Variants in UBTD1 observed in about 807,000 individuals in gnomAD.
UBTD1 encodes the protein ubiquitin domain-containing protein 1.
UBTD1 carries 19 observed loss-of-function variants against 21.7 expected under a neutral mutation model. The ratio of observed to expected loss-of-function variants is 0.87; its 90% CI spans 0.61 to 1.28. The LOEUF (loss-of-function observed/expected upper bound fraction) is 1.28. UBTD1 is among the 50% of genes most tolerant of loss of function. UBTD1 has a pLI of 0.00. For synonymous variants in UBTD1, 116 were observed against 135.1 expected, an observed-to-expected ratio of 0.86 and a Z score of 0.98; for missense variants, 282 against 315.1, an observed-to-expected ratio of 0.89 and a Z score of 0.80.
intron 1 of UBTD1, among the ~76,000 whole-genome samples, chr10:97,538,197 A>T (rs4919109): frequency 0.57 from 86,380 of 151,716 alleles, 27,319 homozygotes; most frequent in Non-Finnish European, 0.73. Context: ...TGTTTTTAAA[A>T]TTTACATATA....
Position 97,499,207 on chromosome 10 carries a change from G to T in UBTD1, c.4G>T (p.Gly2Cys), listed in dbSNP as rs1457083416. 29 of 1,546,378 alleles carry T rather than the reference G, an allele frequency of 1.9e-5. No individual in the cohort carries two copies. Among genetic ancestry groups the T allele is most frequent in the Non-Finnish European group, 2.4e-5 (28 of 1,145,230 alleles). Residue 2 changes from glycine to cysteine, a missense_variant, in exon 1 of 3, where the codon GGC (glycine) becomes TGC (cysteine). Transcript: ENST00000370664. M[G>C]NCVGRQRRER... ...GGGGACTGGCTGAGGAGCCAGCATG[G>T]GCAACTGCGTGGGGAGACAGCGCCG...
intron 1 of UBTD1, among the ~76,000 whole-genome samples, chr10:97,534,647 A>G (rs2040551651): frequency 6.6e-6 from 1 of 151,224 alleles, no homozygotes; most frequent in African/African-American, 2.4e-5. Context: ...TACATGCACA[A>G]ATATATATCC....
intron 1 of UBTD1, among the ~76,000 whole-genome samples, chr10:97,503,065 C>A (rs1388988344): frequency 1.3e-5 from 2 of 151,894 alleles, no homozygotes; most frequent in African/African-American, 4.8e-5. Context: ...TAGAGGTGTG[C>A]ACCACCACGC....
chr10:97,540,616 C>T (rs980916041), intron 1 of UBTD1, among the ~76,000 whole-genome samples: 4 of 152,292 alleles, frequency 2.6e-5, no homozygotes, highest in African/African-American at 7.2e-5. Flanking sequence ...TTTCTAGATA[C>T]GGAAACTGAG....
At chr10:97,515,226 T>C (rs1215227282) in intron 1 of UBTD1, among the ~76,000 whole-genome samples, 1 of 152,216 alleles carries the variant, frequency 6.6e-6, no homozygotes, top group Non-Finnish European at 1.5e-5. Flanking sequence ...AAAGAAGAGA[T>C]GAAAATGAGG....
At chr10:97,519,295 A>G (rs2040457267) in intron 1 of UBTD1, among the ~76,000 whole-genome samples, 1 of 152,242 alleles carries the variant, frequency 6.6e-6, no homozygotes, top group South Asian at 2.1e-4. Flanking sequence ...CCCTACCAGC[A>G]TCCCATTTTA....
At position 97,499,975 on chromosome 10, in the gene UBTD1, G is replaced by A. The variant is rs1257451066; in HGVS notation, c.70+702G>A. ...TTCATGGTACACCCCGCCTGCCCTGGCATTTCGCCCCGGGAAGAGGTCTGT... is the reference window on the plus strand; with the variant it reads ...TTCATGGTACACCCCGCCTGCCCTGACATTTCGCCCCGGGAAGAGGTCTGT... On this transcript the variant is annotated intron_variant, in intron 1 of 2. Transcript: ENST00000370664. 2.0e-5 allele frequency among the ~76,000 whole-genome samples: 3 copies of A among 152,150 alleles called. No homozygotes were observed. The East Asian group carries it at 5.8e-4, about 29-fold the overall frequency.
At chr10:97,560,034 A>G (rs1211281435) in intron 1 of UBTD1, among the ~76,000 whole-genome samples, 1 of 152,156 alleles carries the variant, frequency 6.6e-6, no homozygotes, top group Non-Finnish European at 1.5e-5. Flanking sequence ...TAAATTATAC[A>G]ACATTTTTTG....
At chr10:97,561,309 G>A (rs1320628187) in intron 1 of UBTD1, among the ~76,000 whole-genome samples, 4 of 152,082 alleles carry the variant, frequency 2.6e-5, no homozygotes, top group Admixed American at 2.0e-4. Flanking sequence ...TCGTTTCCTG[G>A]TCAGGGAACC....
intron 1 of UBTD1, among the ~76,000 whole-genome samples, chr10:97,504,187 C>G (rs1443424760): frequency 6.6e-6 from 1 of 152,170 alleles, no homozygotes; most frequent in Non-Finnish European, 1.5e-5. Flanking sequence ...CACTTTCACC[C>G]TGGTCTGAGC....
intron 1 of UBTD1, among the ~76,000 whole-genome samples, chr10:97,515,512 A>G (rs113973007): frequency 0.026 from 3,995 of 152,230 alleles, 67 homozygotes; most frequent in Non-Finnish European, 0.041. Context: ...CTTAAGCAAA[A>G]AGGGTGATTT....
intron 1 of UBTD1, among the ~76,000 whole-genome samples, chr10:97,543,198 G>C (rs1326543124): frequency 2.6e-5 from 4 of 152,234 alleles, no homozygotes; most frequent in Non-Finnish European, 5.9e-5. Flanking sequence ...GGAGAGCGGG[G>C]AGCGCCTGGT....
chr10:97,555,066 G>A (rs1420249961), intron 1 of UBTD1, among the ~76,000 whole-genome samples: 1 of 152,176 alleles, frequency 6.6e-6, no homozygotes, highest in Non-Finnish European at 1.5e-5. Context: ...GAAGGAGGCA[G>A]GGAAACTGTA....
At chr10:97,547,721 C>T (rs780058752) in intron 1 of UBTD1, among the ~76,000 whole-genome samples, 4 of 152,074 alleles carry the variant, frequency 2.6e-5, no homozygotes, top group South Asian at 2.1e-4. Flanking sequence ...TATGCCACCA[C>T]GCCTGGCTAA....
chr10:97,510,417 T>C (rs1351161809), intron 1 of UBTD1, among the ~76,000 whole-genome samples: 4 of 152,224 alleles, frequency 2.6e-5, no homozygotes, highest in Non-Finnish European at 5.9e-5. Flanking sequence ...TCATTAGCTA[T>C]GTAACCTCGG....
intron 1 of UBTD1, among the ~76,000 whole-genome samples, chr10:97,538,730 GC>G (rs1218433158): frequency 2.0e-5 from 3 of 152,192 alleles, no homozygotes; most frequent in African/African-American, 7.2e-5. Context: ...GGATCTCAAA[GC>G]TTTTTTTGCA....
chr10:97,529,809 C>T (rs975484645), intron 1 of UBTD1, among the ~76,000 whole-genome samples: 1 of 152,048 alleles, frequency 6.6e-6, no homozygotes, highest in Non-Finnish European at 1.5e-5. Flanking sequence ...CTGATCTGCC[C>T]TTCTTTGGCT....
chr10:97,535,969 A>ATTATTATTATTATTATTATTATTG (rs1554865895), intron 1 of UBTD1, among the ~76,000 whole-genome samples: 11 of 48,676 alleles, frequency 2.3e-4, no homozygotes, highest in Middle Eastern at 0.01. Context: ...TTGGAGAGAA[A>ATTATTATTATTATTATTATTATTG]TTATTATTAT....
intron 1 of UBTD1, among the ~76,000 whole-genome samples, chr10:97,550,241 G>T (rs1031297324): frequency 2.0e-5 from 3 of 152,226 alleles, no homozygotes; most frequent in Admixed American, 6.5e-5. Context: ...CCTGGAGTAA[G>T]GGCCTGGGGA....
Sources: allele counts gnomAD v4.1 joint callset (sites outside exome capture counted in the v4.1 genomes callset), GRCh38; gene constraint gnomAD v4.1.1; transcripts MANE v1.5; gene names NCBI Gene and HGNC (gene_info 2026-07-23, HGNC 2026-07-21).